HERC1: variants seen among roughly 807,000 people sequenced by gnomAD.
The protein encoded by HERC1 is probable E3 ubiquitin-protein ligase HERC1.
In HERC1, 160 loss-of-function variants were observed where a neutral mutation model predicts 554.3. That is an observed-to-expected ratio of 0.29 (90% CI 0.25 to 0.33). The LOEUF is 0.33. HERC1 is among the 10% of genes least tolerant of loss of function. HERC1 has a pLI of 1.00. For synonymous variants in HERC1, 2,175 were observed against 2,131.7 expected (o/e 1.02, Z -0.56); for missense variants, 4,919 against 5,918.5 (o/e 0.83, Z 5.54).
intron 1 of HERC1, among the ~76,000 whole-genome samples, chr15:63,824,351 G>C (rs568695041): frequency 6.6e-6 from 1 of 151,978 alleles, no homozygotes; most frequent in African/African-American, 2.4e-5. Flanking sequence ...GGCTAACACA[G>C]TGAAACCCCA....
At chr15:63,733,189 A>G in intron 13 of HERC1, 44 bp from the exon 14 acceptor site, 5 of 1,275,788 alleles carry the variant, frequency 3.9e-6, no homozygotes, top group Non-Finnish European at 5.7e-6. Context: ...CGTAATATGC[A>G]CTAGAAAAGA....
chr15:63,753,238 C>A (rs981529251), intron 7 of HERC1, among the ~76,000 whole-genome samples, 153 bp from the exon 8 acceptor site: 1 of 152,106 alleles, frequency 6.6e-6, no homozygotes, highest in Non-Finnish European at 1.5e-5. Flanking sequence ...TGTTAACAAA[C>A]GAGCATTTTT....
chr15:63,790,901 T>A (rs1259748481), intron 1 of HERC1, among the ~76,000 whole-genome samples: 1 of 152,030 alleles, frequency 6.6e-6, no homozygotes, highest in Non-Finnish European at 1.5e-5. Context: ...AAAGTTATAA[T>A]CCCTATCCTA....
chr15:63,704,110 A>G (rs983460757), intron 25 of HERC1, among the ~76,000 whole-genome samples: 1 of 151,726 alleles, frequency 6.6e-6, no homozygotes, highest in Non-Finnish European at 1.5e-5. Context: ...ACAAAAAAGG[A>G]AAAAAAATAC....
intron 49 of HERC1, 59 bp from the exon 50 acceptor site, chr15:63,656,014 A>T: frequency 1.3e-6 from 2 of 1,593,040 alleles, no homozygotes; most frequent in South Asian, 2.2e-5. Context: ...GAACAAAAAT[A>T]TTTCATTTCA....
chr15:63,689,148 T>C (rs1265243639), intron 33 of HERC1, among the ~76,000 whole-genome samples: 1 of 152,112 alleles, frequency 6.6e-6, no homozygotes, highest in Non-Finnish European at 1.5e-5. Context: ...GGAGAAAGCG[T>C]TTTGAAAATA....
Position 63,746,939 on chromosome 15 carries a change from A to G in HERC1, c.2499T>C (p.Thr833=). 1 of 1,552,558 alleles carries G rather than the reference A, an allele frequency of 6.4e-7. No homozygotes were observed. Among genetic ancestry groups the G allele is most frequent in the Non-Finnish European group, 8.7e-7 (1 of 1,147,398 alleles). The change falls in exon 12 of 78, where the codon ACT becomes ACC. Residue 833 remains threonine (T), a synonymous_variant. Coordinates refer to ENST00000443617, the MANE Select transcript of HERC1 (RefSeq NM_003922.4). The part of the protein sequence containing the change: ...RNLLFRLMDS[T]VPDEIQEVVI... ...TTACCTCTTGGATTTCATCTGGGACAGTTGAGTCCATCAGTCTGAAGAGCA... is the reference window on the plus strand; with the variant it reads ...TTACCTCTTGGATTTCATCTGGGACGGTTGAGTCCATCAGTCTGAAGAGCA...
At chr15:63,656,418 T>C in intron 48 of HERC1, 60 bp from the exon 49 acceptor site, 2 of 1,422,462 alleles carry the variant, frequency 1.4e-6, no homozygotes, top group African/African-American at 2.8e-5. Context: ...AAGGGACCAT[T>C]TGCAGTCCCA....
chr15:63,706,447 TAACC>T (rs2073010996), intron 25 of HERC1, among the ~76,000 whole-genome samples: 1 of 152,154 alleles, frequency 6.6e-6, no homozygotes, highest in African/African-American at 2.4e-5. Flanking sequence ...ATTTTGTAAA[TAACC>T]CCTTTCCATC....
intron 68 of HERC1, 104 bp downstream of exon 68, chr15:63,632,605 C>A: frequency 1.3e-6 from 1 of 760,298 alleles, no homozygotes; most frequent in Non-Finnish European, 2.3e-6. Flanking sequence ...CTACTCACCA[C>A]CTAGAACAAA....
intron 14 of HERC1, among the ~76,000 whole-genome samples, chr15:63,732,264 G>A (rs2074330119): frequency 6.6e-6 from 1 of 152,272 alleles, no homozygotes; most frequent in Non-Finnish European, 1.5e-5. Context: ...GCCTCCCAAA[G>A]TGCTGAGATT....
intron 18 of HERC1, 134 bp downstream of exon 18, chr15:63,725,158 A>AG (rs2073988434): frequency 1.1e-5 from 8 of 733,302 alleles, no homozygotes; most frequent in Non-Finnish European, 1.6e-5. Flanking sequence ...TCCAAGTCAT[A>AG]GCCCCAGATT....
intron 7 of HERC1, among the ~76,000 whole-genome samples, chr15:63,754,269 A>C (rs575862727): frequency 4.6e-4 from 70 of 152,288 alleles, no homozygotes; most frequent in South Asian, 4.1e-3. Context: ...TGGTTTTTAA[A>C]AACACATCTA....
chr15:63,658,341 G>A (rs1471447103), intron 48 of HERC1, among the ~76,000 whole-genome samples: 1 of 152,132 alleles, frequency 6.6e-6, no homozygotes, highest in Admixed American at 6.5e-5. Context: ...TGTGATAATG[G>A]CATTATTTTC....
chr15:63,825,328 A>G (rs2077857312), intron 1 of HERC1, among the ~76,000 whole-genome samples: 1 of 152,224 alleles, frequency 6.6e-6, no homozygotes, highest in South Asian at 2.1e-4. Context: ...CAAGAGCAAT[A>G]TAATTAATAT....
chr15:63,766,379 G>C (rs2075777715), intron 2 of HERC1, among the ~76,000 whole-genome samples: 1 of 152,076 alleles, frequency 6.6e-6, no homozygotes, highest in East Asian at 1.9e-4. Context: ...CTTGAGGTCA[G>C]GAGTTCAAGA....
intron 69 of HERC1, 90 bp from the exon 70 acceptor site, chr15:63,628,905 T>C: frequency 8.1e-7 from 1 of 1,233,554 alleles, no homozygotes. Flanking sequence ...GTGGCAGACA[T>C]AAATAAGTTA....
chr15:63,689,517 A>G, intron 33 of HERC1, 72 bp downstream of exon 33: 1 of 780,934 alleles, frequency 1.3e-6, no homozygotes, highest in Non-Finnish European at 2.1e-6. Context: ...TCAGAGGAAC[A>G]GGCATTCAGA....
intron 19 of HERC1, among the ~76,000 whole-genome samples, chr15:63,720,350 G>A (rs945171381): frequency 2.0e-5 from 3 of 151,920 alleles, no homozygotes; most frequent in Admixed American, 6.6e-5. Flanking sequence ...TCAAATGGGG[G>A]TGGGAGAGTT....
Sources: allele counts gnomAD v4.1 joint callset (sites outside exome capture counted in the v4.1 genomes callset), GRCh38; gene constraint gnomAD v4.1.1; transcripts MANE v1.5; gene names NCBI Gene and HGNC (gene_info 2026-07-23, HGNC 2026-07-21).